The following SYBU variants were observed in gnomAD, a reference collection of about 807,000 sequenced individuals.
SYBU encodes the protein syntabulin.
A neutral mutation model predicts 35.9 loss-of-function variants in SYBU; 21 were observed. The ratio of observed to expected loss-of-function variants is 0.58; its 90% CI spans 0.41 to 0.84. The LOEUF is 0.84. SYBU is among the 40% of genes least tolerant of loss of function. The probability of loss-of-function intolerance (pLI) is 0.00; values close to 1 mark genes in which losing one functional copy is unlikely to be tolerated. For missense variants in SYBU, 768 were observed against 848.2 expected, an observed-to-expected ratio of 0.91 and a Z score of 1.17; for synonymous variants, 319 against 324.3, an observed-to-expected ratio of 0.98 and a Z score of 0.18.
intron 2 of SYBU, among the ~76,000 whole-genome samples, chr8:109,623,049 A>ACACAC: frequency 6.6e-6 from 1 of 151,880 alleles, no homozygotes; most frequent in South Asian, 2.1e-4. Flanking sequence ...ACACACACAC[A>ACACAC]AACGCACACC....
intron 3 of SYBU, among the ~76,000 whole-genome samples, chr8:109,599,739 A>G (rs1357696433): frequency 6.6e-6 from 1 of 152,204 alleles, no homozygotes; most frequent in Admixed American, 6.5e-5. Context: ...AAACCTCATT[A>G]GGCAATTCCC....
Position 109,644,667 on chromosome 8 carries a change from C to T in SYBU, c.-8G>A. The T allele has an allele frequency of 6.6e-7, 1 of 1,519,614 alleles. No homozygotes were observed. The highest frequency in any genetic ancestry group is 1.4e-5 in the African/African-American group (1 of 70,254). The allele number at this position is 1,519,614 out of a possible 1,614,324, so 94.1% of individuals were successfully genotyped here. On this transcript the variant is annotated 5_prime_UTR_variant, in exon 1 of 7. Coordinates refer to ENST00000276646, the MANE Select transcript of SYBU (RefSeq NM_001099754.2). Reference sequence around the variant, plus strand: ...CTCGCGGAGGGGCCCCATCGCGCCGCTGCCCGCCGGCTCCTCGCGCCGCCG... The same window carrying T: ...CTCGCGGAGGGGCCCCATCGCGCCGTTGCCCGCCGGCTCCTCGCGCCGCCG...
chr8:109,641,339 C>G (rs1814854389), intron 2 of SYBU, among the ~76,000 whole-genome samples: 2 of 152,218 alleles, frequency 1.3e-5, no homozygotes, highest in Non-Finnish European at 2.9e-5. Flanking sequence ...GTATTAAGAA[C>G]CATCATTTAT....
At chr8:109,617,348 T>A (rs916809873) in intron 3 of SYBU, among the ~76,000 whole-genome samples, 14 of 152,180 alleles carry the variant, frequency 9.2e-5, no homozygotes, top group Non-Finnish European at 2.1e-4. Flanking sequence ...AGAGTGCTGA[T>A]GGACTTGGGG....
intron 2 of SYBU, among the ~76,000 whole-genome samples, chr8:109,636,397 G>C (rs987873967): frequency 6.6e-6 from 1 of 152,132 alleles, no homozygotes; most frequent in African/African-American, 2.4e-5. Flanking sequence ...ATCCAGATGG[G>C]ATAATTTATT....
intron 3 of SYBU, among the ~76,000 whole-genome samples, chr8:109,615,220 A>C (rs1811603235): frequency 6.6e-6 from 1 of 152,114 alleles, no homozygotes; most frequent in South Asian, 2.1e-4. Context: ...TATTTTAATA[A>C]ATTGGTATTG....
At chr8:109,683,593 G>C (rs920248817), upstream of SYBU, among the ~76,000 whole-genome samples, 1 of 152,134 alleles carries the variant, frequency 6.6e-6, no homozygotes, top group Non-Finnish European at 1.5e-5. Context: ...TGGACTTTTG[G>C]GTTAATGCTG....
chr8:109,658,844 C>T (rs1816455705), intron 1 of SYBU, among the ~76,000 whole-genome samples: 1 of 152,122 alleles, frequency 6.6e-6, no homozygotes, highest in Admixed American at 6.5e-5. Context: ...ATCCCAGCTA[C>T]CCAGGAGACT....
At chr8:109,585,793 G>A (rs1223623874) in intron 4 of SYBU, 1 of 469,008 alleles carries the variant, frequency 2.1e-6, no homozygotes, top group African/African-American at 2.0e-5. Flanking sequence ...GTAAGGGAAA[G>A]AGAGAAGGGA....
In SYBU at chr8:109,580,110, C is replaced by T. The variant is rs893988603; in HGVS notation, c.531-108G>A. 24 of 1,040,392 alleles carry T rather than the reference C, an allele frequency of 2.3e-5. 1 individual carries two copies. The highest frequency in any genetic ancestry group is 1.6e-4 in the South Asian group (12 of 72,772). The allele number at this position is 1,040,392 out of a possible 1,614,324, so 64.4% of individuals were successfully genotyped here. On this transcript the variant is annotated intron_variant, in intron 4 of 6. Transcript: ENST00000276646. Reference sequence around the variant, plus strand: ...AAATCCAATTTATAGAGTTGAAAGGCGCAATACAATTATTCGTGTAGACTG... The same window carrying T: ...AAATCCAATTTATAGAGTTGAAAGGTGCAATACAATTATTCGTGTAGACTG...
intron 3 of SYBU, among the ~76,000 whole-genome samples, chr8:109,593,057 GT>G (rs1824463991): frequency 6.6e-6 from 1 of 152,184 alleles, no homozygotes; most frequent in African/African-American, 2.4e-5. Context: ...TATCTGGGAA[GT>G]TTAATAATAG....
At chr8:109,636,018 C>T (rs78754794) in intron 2 of SYBU, among the ~76,000 whole-genome samples, 4,241 of 152,156 alleles carry the variant, frequency 0.028, 183 homozygotes, top group African/African-American at 0.097. Context: ...TCTAGAGTTC[C>T]CTCTGTTGTC....
chr8:109,659,334 A>G (rs924647769), intron 1 of SYBU, among the ~76,000 whole-genome samples: 12 of 152,174 alleles, frequency 7.9e-5, no homozygotes, highest in African/African-American at 2.9e-4. Context: ...AATATCAAAC[A>G]ATTTGACAAT....
rs111999987 is a variant in SYBU, at chr8:109,629,388, A to T, written c.230-10349T>A. ...CACAAATCTTAACTAACTTAATCTAATATCCCTCTGAGATAAGCACTGTTG... is the reference window on the plus strand; with the variant it reads ...CACAAATCTTAACTAACTTAATCTATTATCCCTCTGAGATAAGCACTGTTG... On this transcript the variant is annotated intron_variant, in intron 2 of 6. Coordinates refer to ENST00000276646, the MANE Select transcript of SYBU (RefSeq NM_001099754.2). Among the ~76,000 whole-genome samples the T allele has an allele frequency of 1.6e-3, 238 of 152,330 alleles. 1 individual carries two copies. Among genetic ancestry groups the T allele is most frequent in the African/African-American group, 5.6e-3 (233 of 41,584 alleles).
chr8:109,635,378 T>A (rs1339778224), intron 2 of SYBU, among the ~76,000 whole-genome samples: 1 of 152,148 alleles, frequency 6.6e-6, no homozygotes, highest in East Asian at 1.9e-4. Flanking sequence ...TTCTCAGGTG[T>A]CTTCATTTCC....
At chr8:109,599,063 AAG>A (rs1382043041) in intron 3 of SYBU, among the ~76,000 whole-genome samples, 1 of 152,164 alleles carries the variant, frequency 6.6e-6, no homozygotes, top group Non-Finnish European at 1.5e-5. Flanking sequence ...ATCCCACCCA[AAG>A]TGTTTGCTTG....
chr8:109,599,591 G>A (rs1241208510), intron 3 of SYBU, among the ~76,000 whole-genome samples: 1 of 152,146 alleles, frequency 6.6e-6, no homozygotes, highest in African/African-American at 2.4e-5. Flanking sequence ...TGTGTCATCT[G>A]TCTGCTCTTT....
At chr8:109,576,226 G>A (rs537781193) in intron 6 of SYBU, among the ~76,000 whole-genome samples, 1 of 152,276 alleles carries the variant, frequency 6.6e-6, no homozygotes, top group South Asian at 2.1e-4. Context: ...TAAACTGAAA[G>A]AAGCAGTACA....
chr8:109,689,841 A>T (rs1817605343), intron 1 of SYBU, among the ~76,000 whole-genome samples: 1 of 151,486 alleles, frequency 6.6e-6, no homozygotes, highest in Non-Finnish European at 1.5e-5. Context: ...TGAAAAAAAA[A>T]AAAAAAAAAA....
Sources: allele counts gnomAD v4.1 joint callset (sites outside exome capture counted in the v4.1 genomes callset), GRCh38; gene constraint gnomAD v4.1.1; transcripts MANE v1.5; gene names NCBI Gene and HGNC (gene_info 2026-07-23, HGNC 2026-07-21).